CC2D2B: variants seen among roughly 807,000 people sequenced by gnomAD.
The protein encoded by CC2D2B is protein CC2D2B.
CC2D2B carries 128 observed loss-of-function variants against 161.2 expected under a neutral mutation model. The observed-to-expected ratio is 0.79, with a 90% CI of 0.69 to 0.92. CC2D2B has a LOEUF of 0.92. CC2D2B is among the 40% of genes least tolerant of loss of function. CC2D2B has a pLI of 0.00. For synonymous variants in CC2D2B, 391 were observed against 449.8 expected (o/e 0.87, Z 1.65); for missense variants, 1,173 against 1,375.1 (o/e 0.85, Z 2.32).
intron 29 of CC2D2B, among the ~76,000 whole-genome samples, chr10:96,015,690 C>G (rs769186570): frequency 6.6e-6 from 1 of 152,112 alleles, no homozygotes; most frequent in African/African-American, 2.4e-5. Context: ...CTGTTCAGCT[C>G]TTTGAGTTGA....
intron 2 of CC2D2B, chr10:95,920,988 G>C (rs2098525965): frequency 6.6e-6 from 1 of 152,576 alleles, no homozygotes; most frequent in Admixed American, 6.5e-5. Context: ...TTGGGGGAGG[G>C]GTGATGCAAG....
chr10:95,962,763 GTT>G (rs35198734), intron 12 of CC2D2B, among the ~76,000 whole-genome samples: 38 of 130,760 alleles, frequency 2.9e-4, no homozygotes, highest in East Asian at 4.7e-4. Context: ...TGCTGCAGTA[GTT>G]TTTTTTTTTT....
chr10:95,939,693 G>A (rs1319589499), intron 9 of CC2D2B, among the ~76,000 whole-genome samples: 4 of 152,168 alleles, frequency 2.6e-5, no homozygotes, highest in Non-Finnish European at 5.9e-5. Flanking sequence ...ATGTACATAA[G>A]TTGTATTTCA....
chr10:95,927,152 T>G (rs958748364), intron 5 of CC2D2B, 85 bp from the exon 6 acceptor site: 1 of 709,828 alleles, frequency 1.4e-6, no homozygotes, highest in Admixed American at 2.7e-5. Flanking sequence ...ATAACAATTA[T>G]GTTTACCATA....
intron 29 of CC2D2B, among the ~76,000 whole-genome samples, chr10:96,015,981 A>G (rs955542825): frequency 1.3e-5 from 2 of 152,188 alleles, no homozygotes; most frequent in African/African-American, 2.4e-5. Flanking sequence ...TAAGTGTTCT[A>G]TAATAAAGGT....
intron 3 of CC2D2B, among the ~76,000 whole-genome samples, chr10:95,923,826 C>T (rs2098532866): frequency 6.6e-6 from 1 of 152,066 alleles, no homozygotes; most frequent in African/African-American, 2.4e-5. Flanking sequence ...ACCAGCCTGG[C>T]CAACATGGCG....
chr10:95,917,667 G>A (rs1230129183), intron 2 of CC2D2B, among the ~76,000 whole-genome samples: 2 of 151,864 alleles, frequency 1.3e-5, no homozygotes, highest in African/African-American at 4.8e-5. Flanking sequence ...AAACAAACAA[G>A]GAGAAAACTA....
rs1364546447 is a variant in CC2D2B at position 96,025,211 on chromosome 10, A to G, written c.3947+300A>G. ...AAAAAAAATATATATATATATATAT[A>G]TATATATATAGCTGGGCATGATGGC... On this transcript the variant is annotated intron_variant, in intron 33 of 34. Coordinates refer to ENST00000646931, the MANE Select transcript of CC2D2B (RefSeq NM_001349008.3). Among the ~76,000 whole-genome samples, 127 of 130,128 alleles carry G rather than the reference A, an allele frequency of 9.8e-4. 2 individuals are homozygous for G. Among genetic ancestry groups the G allele is most frequent in the African/African-American group, 3.6e-3 (120 of 33,180 alleles). The allele number at this position is 130,128 out of a possible 152,430, so 85.4% of individuals were successfully genotyped here.
intron 30 of CC2D2B, among the ~76,000 whole-genome samples, chr10:96,018,095 C>CA (rs2079284240): frequency 6.6e-6 from 1 of 152,170 alleles, no homozygotes; most frequent in Admixed American, 6.5e-5. Context: ...GAAAGATGGG[C>CA]ATAATAACCC....
intron 29 of CC2D2B, among the ~76,000 whole-genome samples, chr10:96,014,148 G>A (rs2079099164): frequency 1.3e-5 from 2 of 152,300 alleles, no homozygotes; most frequent in South Asian, 4.1e-4. Context: ...CCAGAGAGCA[G>A]TGTGACTTGT....
At position 96,009,902 on chromosome 10, in the gene CC2D2B, T is replaced by C; in HGVS notation, c.3024T>C (p.Ser1008=). 1 of 1,607,334 alleles carries C rather than the reference T, an allele frequency of 6.2e-7. No individual in the cohort carries two copies. The highest frequency in any genetic ancestry group is 1.1e-5 in the South Asian group (1 of 90,534). ...TTGGATGCATTGTCTTCCCTTTTTC[T>C]GCTCTTCTGCAACAATCTGAGGTAA... The part of the protein sequence containing the change: ...NWLGCIVFPF[S]ALLQQSEISG... The change falls in exon 26 of 35, where the codon TCT becomes TCC. Residue 1008 remains serine, a synonymous_variant. Coordinates refer to ENST00000646931, the MANE Select transcript of CC2D2B (RefSeq NM_001349008.3).
At chr10:95,934,240 T>G (rs537083135) in intron 6 of CC2D2B, among the ~76,000 whole-genome samples, 3 of 152,198 alleles carry the variant, frequency 2.0e-5, no homozygotes, top group African/African-American at 7.2e-5. Context: ...CCACCAAGCT[T>G]GAGCGTCCCA....
At chr10:95,983,127 A>C (rs1249771209) in intron 18 of CC2D2B, among the ~76,000 whole-genome samples, 1 of 152,186 alleles carries the variant, frequency 6.6e-6, no homozygotes, top group East Asian at 1.9e-4. Flanking sequence ...ACAGCTAAGA[A>C]ATCTGTGTCT....
rs1459698270 is a variant in CC2D2B at position 95,938,878 on chromosome 10, G to C, written c.754G>C (p.Val252Leu). The C allele has an allele frequency of 5.6e-6, 4 of 714,836 alleles. No individual in the cohort carries two copies. The Admixed American group carries it at 6.0e-5, about 11-fold the overall frequency. The allele number at this position is 714,836 out of a possible 1,614,324, so 44.3% of individuals were successfully genotyped here. The change falls in exon 9 of 35, where the codon GTA becomes CTA. Residue 252 changes from valine (V) to leucine (L), a missense_variant. Around this residue, in one of 3 missense-constraint regions of CC2D2B, gnomAD observed 298 missense variants for 261.2 expected, o/e 1.14. Transcript: ENST00000646931. Reference sequence around the variant, plus strand: ...ACAGTCATGGAATTTCAGACTAAATGTAAGGAAGGAACCTTTAAATCCATT... The same window carrying C: ...ACAGTCATGGAATTTCAGACTAAATCTAAGGAAGGAACCTTTAAATCCATT... ...IKQSWNFRLN[V>L]RKEPLNPLLK... is the part of the protein sequence containing the mutation.
At chr10:95,948,059 C>G (rs977333893) in intron 9 of CC2D2B, among the ~76,000 whole-genome samples, 2 of 152,126 alleles carry the variant, frequency 1.3e-5, no homozygotes, top group Non-Finnish European at 2.9e-5. Context: ...GGTTTTATAA[C>G]TTGAAAGTCC....
chr10:95,992,787 A>G (rs2078005653), intron 22 of CC2D2B, 90 bp downstream of exon 22: 2 of 867,436 alleles, frequency 2.3e-6, no homozygotes, highest in African/African-American at 3.5e-5. Flanking sequence ...AAACCTTTGC[A>G]CTTTGTTAAT....
At chr10:95,934,389 G>A (rs912773353) in intron 6 of CC2D2B, among the ~76,000 whole-genome samples, 6 of 151,998 alleles carry the variant, frequency 3.9e-5, no homozygotes, top group African/African-American at 1.4e-4. Flanking sequence ...GGGAGTGAAC[G>A]GTTCTGTCGA....
rs913040960 is a variant in CC2D2B, at chr10:95,924,933, A to G, written c.240+89A>G. On this transcript the variant is annotated intron_variant, in intron 5 of 34. Coordinates refer to ENST00000646931, the MANE Select transcript of CC2D2B (RefSeq NM_001349008.3). ...AAAACTTCACCCATTTAAAGTGTAT[A>G]TGACTCAATGATTTCTAGTTAATTT... The G allele has an allele frequency of 1.9e-5, 14 of 728,488 alleles. No homozygotes were observed. In the African/African-American group the frequency reaches 2.5e-4, roughly 13 times the overall value. The allele number at this position is 728,488 out of a possible 1,614,324, so 45.1% of individuals were successfully genotyped here. A position where few individuals can be genotyped will look rare whatever the true frequency, so the allele number is the denominator to read the frequency against.
chr10:95,910,313 GAA>G (rs1478238162), intron 1 of CC2D2B, among the ~76,000 whole-genome samples: 1 of 152,194 alleles, frequency 6.6e-6, no homozygotes, highest in Non-Finnish European at 1.5e-5. Flanking sequence ...AATTTATAAA[GAA>G]AAGAGTTTTA....
Sources: allele counts gnomAD v4.1 joint callset (sites outside exome capture counted in the v4.1 genomes callset), GRCh38; gene constraint gnomAD v4.1.1; regional missense constraint gnomAD v4.1.1; transcripts MANE v1.5; gene names NCBI Gene and HGNC (gene_info 2026-07-23, HGNC 2026-07-21).